TMEM51: variants seen among roughly 807,000 people sequenced by gnomAD.
TMEM51 encodes transmembrane protein 51, also known as chromosome 1 open reading frame 72.
A neutral mutation model predicts 13.6 loss-of-function variants in TMEM51; 8 were observed. The observed-to-expected ratio is 0.59, with a 90% CI of 0.35 to 1.07. The LOEUF (loss-of-function observed/expected upper bound fraction) is 1.07. Among genes scored for constraint, TMEM51 ranks in the 50% least tolerant of loss-of-function variants. TMEM51 has a pLI of 0.02. For synonymous variants in TMEM51, 147 were observed against 144.4 expected (o/e 1.02, Z -0.13); for missense variants, 279 against 330.7 (o/e 0.84, Z 1.21).
chr1:15,202,005 T>C (rs1573435798), intron 1 of TMEM51, among the ~76,000 whole-genome samples: 1 of 152,218 alleles, frequency 6.6e-6, no homozygotes, highest in Non-Finnish European at 1.5e-5. Flanking sequence ...ACGTCAGTCT[T>C]GTCCTGTCGT....
chr1:15,199,415 A>C (rs1195541326), intron 1 of TMEM51, among the ~76,000 whole-genome samples: 1 of 152,096 alleles, frequency 6.6e-6, no homozygotes, highest in Non-Finnish European at 1.5e-5. Flanking sequence ...GATTACAGGC[A>C]TGAGCCACCA....
chr1:15,173,836 C>T (rs16851358), intron 1 of TMEM51, among the ~76,000 whole-genome samples: 28,068 of 152,134 alleles, frequency 0.18, 3,022 homozygotes, highest in African/African-American at 0.29. Context: ...GTCACCTTGA[C>T]GTTAGTTGTC....
rs1408422672 is a variant in TMEM51 at position 15,161,959 on chromosome 1, A to C, written c.-267+8005A>C. On this transcript the variant is annotated intron_variant, in intron 1 of 3. Coordinates refer to ENST00000376008, the MANE Select transcript of TMEM51 (RefSeq NM_001136218.2). The surrounding 1 kb of genome is among the most constrained non-coding windows in gnomAD (Gnocchi z 4.0). The stretch of plus-strand genomic sequence containing the variant: ...AGAGAGAAAGAGGTTTATTTAGCCC[A>C]TGGCATCTCAGATGCATCAGCATCT... Among the ~76,000 whole-genome samples, 1 of 152,004 alleles carries C rather than the reference A, an allele frequency of 6.6e-6. No homozygotes were observed. Among genetic ancestry groups the C allele is most frequent in the Non-Finnish European group, 1.5e-5 (1 of 68,026 alleles).
chr1:15,219,444 A>G lies in TMEM51; in HGVS notation c.463A>G (p.Ser155Gly). ...ARGEEQNPRL[S>G]ISLPSYESLT... ...GGGAGAGGAGCAGAACCCGAGGTTG[A>G]GCATCTCTCTCCCGTCCTATGAGTC... Residue 155 changes from serine (S) to glycine (G), a missense_variant, in exon 4 of 4, where the codon AGC becomes GGC. Physicochemically the swap from Ser to Gly is moderately conservative, Grantham distance 56 (BLOSUM62 0). Transcript: ENST00000376008. 6.2e-7 allele frequency: 1 copy of G among 1,614,096 alleles called. No individual in the cohort carries two copies. Among genetic ancestry groups the G allele is most frequent in the Non-Finnish European group, 8.5e-7 (1 of 1,179,986 alleles).
chr1:15,187,610 G>A lies in TMEM51; in HGVS notation c.-266-22880G>A, dbSNP rs552435107. 7.9e-5 allele frequency among the ~76,000 whole-genome samples: 12 copies of A among 152,286 alleles called. No individual in the cohort carries two copies. The South Asian group carries it at 1.4e-3, about 18-fold the overall frequency. On this transcript the variant is annotated intron_variant, in intron 1 of 3. Coordinates refer to ENST00000376008, the MANE Select transcript of TMEM51 (RefSeq NM_001136218.2). ...TGTAGATCATAACCTTGACAATAACGTTTTCAAGGGCAGGCCTGGTTCTTC... is the reference window on the plus strand; with the variant it reads ...TGTAGATCATAACCTTGACAATAACATTTTCAAGGGCAGGCCTGGTTCTTC...
intron 1 of TMEM51, among the ~76,000 whole-genome samples, chr1:15,183,509 T>G (rs1643682287): frequency 1.3e-5 from 2 of 152,226 alleles, no homozygotes; most frequent in African/African-American, 4.8e-5. Flanking sequence ...GCCTATAGGT[T>G]GCATGAAGAA....
intron 1 of TMEM51, 39 bp from the exon 2 acceptor site, chr1:15,210,451 G>A (rs1350467597): frequency 6.6e-6 from 1 of 152,134 alleles, no homozygotes; most frequent in Non-Finnish European, 1.5e-5. Context: ...AATGCTCACA[G>A]CTTGCTTAGA....
chr1:15,195,565 C>T (rs925710808), intron 1 of TMEM51, among the ~76,000 whole-genome samples: 2 of 152,102 alleles, frequency 1.3e-5, no homozygotes, highest in East Asian at 1.9e-4. Context: ...TCAAAGGAAC[C>T]GGTTTGCCCT....
At chr1:15,167,924 G>A (rs1643084483) in intron 1 of TMEM51, among the ~76,000 whole-genome samples, 1 of 152,014 alleles carries the variant, frequency 6.6e-6, no homozygotes, top group African/African-American at 2.4e-5. Flanking sequence ...TCTTTAATTA[G>A]GAAACTAATA....
chr1:15,177,279 A>G (rs868135601), intron 1 of TMEM51, among the ~76,000 whole-genome samples: 68 of 152,218 alleles, frequency 4.5e-4, no homozygotes, highest in African/African-American at 1.5e-3. Flanking sequence ...TGGGCCAGAT[A>G]TAGTCCTGGA....
chr1:15,160,035 A>G (rs1414791526), intron 1 of TMEM51, among the ~76,000 whole-genome samples: 1 of 152,186 alleles, frequency 6.6e-6, no homozygotes, highest in Non-Finnish European at 1.5e-5. Flanking sequence ...GGATGTCTCC[A>G]GGAGGTTTTG....
rs113243751 is a variant in TMEM51, at chr1:15,193,116, G to A, written c.-266-17374G>A. Among the ~76,000 whole-genome samples, 1,334 of 152,312 alleles carry A rather than the reference G, an allele frequency of 8.8e-3. 15 individuals are homozygous for A. The highest frequency in any genetic ancestry group is 0.025 in the African/African-American group (1,058 of 41,566). On this transcript the variant is annotated intron_variant, in intron 1 of 3. Coordinates refer to ENST00000376008, the MANE Select transcript of TMEM51 (RefSeq NM_001136218.2). ...AGGCACAGCACCGGCGTAGCAGCCCGCAGAGGGCCCCTCTGGGGAGGAATC... is the reference window on the plus strand; with the variant it reads ...AGGCACAGCACCGGCGTAGCAGCCCACAGAGGGCCCCTCTGGGGAGGAATC...
chr1:15,219,543 G>A lies in TMEM51; in HGVS notation c.562G>A (p.Asp188Asn), dbSNP rs1417697464. 6.2e-7 allele frequency: 1 copy of A among 1,613,748 alleles called. No homozygotes were observed. Among genetic ancestry groups the A allele is most frequent in the Non-Finnish European group, 8.5e-7 (1 of 1,180,022 alleles). ...DVEASPGNPP[D>N]RQNSKLAKRL... Reference sequence around the variant, plus strand: ...GGAGGCCAGCCCTGGGAACCCCCCTGACAGGCAGAACTCTAAGTTGGCCAA... The same window carrying A: ...GGAGGCCAGCCCTGGGAACCCCCCTAACAGGCAGAACTCTAAGTTGGCCAA... The change falls in exon 4 of 4, where the codon GAC (aspartate) becomes AAC (asparagine). Residue 188 changes from aspartate (D) to asparagine (N), a missense_variant. Coordinates refer to ENST00000376008, the MANE Select transcript of TMEM51 (RefSeq NM_001136218.2).
chr1:15,175,289 A>C (rs916305780), intron 1 of TMEM51, among the ~76,000 whole-genome samples: 4 of 152,196 alleles, frequency 2.6e-5, no homozygotes, highest in Non-Finnish European at 5.9e-5. Flanking sequence ...AATCCCAGCT[A>C]TTCGGGAGGC....
intron 1 of TMEM51, among the ~76,000 whole-genome samples, chr1:15,170,456 G>A (rs924536663): frequency 3.3e-5 from 5 of 149,258 alleles, no homozygotes; most frequent in Admixed American, 6.7e-5. Context: ...TTACAGGTGC[G>A]CACCACCACG....
intron 3 of TMEM51, among the ~76,000 whole-genome samples, chr1:15,217,554 G>T (rs1271674761): frequency 6.6e-6 from 1 of 152,100 alleles, no homozygotes; most frequent in Admixed American, 6.6e-5. Context: ...CCCACAATTT[G>T]CCATCTGTAA....
At chr1:15,160,704 G>T (rs1222554019) in intron 1 of TMEM51, among the ~76,000 whole-genome samples, 1 of 152,038 alleles carries the variant, frequency 6.6e-6, no homozygotes, top group African/African-American at 2.4e-5. Context: ...CTGCCTGTGG[G>T]TAATTATTGT....
Position 15,219,464 on chromosome 1 carries a change from T to C in TMEM51, c.483T>C (p.Tyr161=). The C allele has an allele frequency of 6.2e-7, 1 of 1,614,152 alleles. No homozygotes were observed. Among genetic ancestry groups the C allele is most frequent in the South Asian group, 1.1e-5 (1 of 91,086 alleles). Residue 161 remains tyrosine, a synonymous_variant, in exon 4 of 4, where the codon TAT becomes TAC. Coordinates refer to ENST00000376008, the MANE Select transcript of TMEM51 (RefSeq NM_001136218.2). The part of the protein sequence containing the change: ...NPRLSISLPS[Y]ESLTGLDETT... ...GGTTGAGCATCTCTCTCCCGTCCTA[T>C]GAGTCACTGACGGGGCTCGACGAGA... is the stretch of plus-strand genomic sequence containing the variant.
In TMEM51 at chr1:15,161,399, A is replaced by T. The variant is rs1642776473; in HGVS notation, c.-267+7445A>T. Among the ~76,000 whole-genome samples, 1 of 151,946 alleles carries T rather than the reference A, an allele frequency of 6.6e-6. No homozygotes were observed. Among genetic ancestry groups the T allele is most frequent in the Admixed American group, 6.5e-5 (1 of 15,270 alleles). ...CAGGTGCCTGTAATCCCAGCTACTC[A>T]GGAGGCTGACCACAGGAATCGCTTG... On this transcript the variant is annotated intron_variant, in intron 1 of 3. Coordinates refer to ENST00000376008, the MANE Select transcript of TMEM51 (RefSeq NM_001136218.2). This position sits in a 1 kb window ranked among gnomAD's most constrained non-coding sequence, Gnocchi z 4.0.
Sources: allele counts gnomAD v4.1 joint callset (sites outside exome capture counted in the v4.1 genomes callset), GRCh38; gene constraint gnomAD v4.1.1; non-coding constraint Gnocchi (gnomAD v3.1); transcripts MANE v1.5; gene names NCBI Gene and HGNC (gene_info 2026-07-23, HGNC 2026-07-21).